CSMD1: variants seen among roughly 807,000 people sequenced by gnomAD.
The protein encoded by CSMD1 is CUB and Sushi multiple domains 1.
Under a neutral mutation model 417.5 loss-of-function variants are expected in CSMD1, and 213 were observed. The ratio of observed to expected loss-of-function variants is 0.51; its 90% CI spans 0.46 to 0.57. The LOEUF (loss-of-function observed/expected upper bound fraction) is 0.57, where lower values mean the gene tolerates loss of function less well. Ranked by LOEUF, CSMD1 falls within the 20% of genes least tolerant of loss-of-function variation. The probability of loss-of-function intolerance (pLI) is 0.00; values close to 1 mark genes in which losing one functional copy is unlikely to be tolerated. For synonymous variants in CSMD1, 2,862 were observed against 1,736.8 expected (o/e 1.65, Z -16.11); for missense variants, 6,923 against 4,529.7 (o/e 1.53, Z -15.17).
chr8:4,000,563 C>A (rs1277231016), intron 4 of CSMD1, among the ~76,000 whole-genome samples: 1 of 152,194 alleles, frequency 6.6e-6, no homozygotes, highest in Non-Finnish European at 1.5e-5. Context: ...AAAAGTGACT[C>A]ATACTCTACG....
chr8:3,763,457 C>T (rs181915290), intron 5 of CSMD1, among the ~76,000 whole-genome samples: 10 of 152,204 alleles, frequency 6.6e-5, no homozygotes, highest in Admixed American at 4.6e-4. Context: ...GCACTCCCCC[C>T]TCTCCTCTCC....
chr8:4,420,110 T>A (rs548100724), intron 2 of CSMD1, 45 bp from the exon 3 acceptor site: 20 of 1,421,070 alleles, frequency 1.4e-5, no homozygotes, highest in South Asian at 1.1e-4. Flanking sequence ...AAGCATGAAT[T>A]TGTCAAAAAA....
intron 41 of CSMD1, among the ~76,000 whole-genome samples, chr8:3,122,488 C>T (rs940897514): frequency 5.9e-5 from 9 of 152,052 alleles, no homozygotes; most frequent in African/African-American, 9.7e-5. Context: ...TTGCAGTTGA[C>T]GTGGTATGGC....
At chr8:4,486,250 C>CATAT (rs376449969) in intron 2 of CSMD1, among the ~76,000 whole-genome samples, 11 of 13,180 alleles carry the variant, frequency 8.3e-4, no homozygotes, top group East Asian at 3.8e-3. Context: ...TATATACATA[C>CATAT]ATATATATAT....
chr8:3,043,431 C>A (rs533941988), intron 50 of CSMD1, among the ~76,000 whole-genome samples: 1 of 151,862 alleles, frequency 6.6e-6, no homozygotes, highest in African/African-American at 2.4e-5. Flanking sequence ...CTAGATGGAA[C>A]TGGTGATATA....
intron 26 of CSMD1, among the ~76,000 whole-genome samples, chr8:3,240,917 T>C (rs1799454627): frequency 6.6e-6 from 1 of 151,988 alleles, no homozygotes; most frequent in African/African-American, 2.4e-5. Context: ...AGGCAAGTGA[T>C]AACAGGCTTT....
intron 3 of CSMD1, among the ~76,000 whole-genome samples, chr8:4,404,288 C>G (rs1804860024): frequency 1.3e-5 from 2 of 152,058 alleles, no homozygotes; most frequent in South Asian, 4.1e-4. Context: ...TTATGATATG[C>G]TGTATATTTC....
intron 5 of CSMD1, among the ~76,000 whole-genome samples, chr8:3,777,122 AC>A (rs1798934334): frequency 2.8e-3 from 1 of 362 alleles, no homozygotes; most frequent in Non-Finnish European, 6.2e-3. Flanking sequence ...ATCTATACCT[AC>A]ACACACACAC....
At chr8:4,301,328 C>T (rs1316065791) in intron 3 of CSMD1, among the ~76,000 whole-genome samples, 4 of 152,198 alleles carry the variant, frequency 2.6e-5, no homozygotes, top group African/African-American at 4.8e-5. Flanking sequence ...GACCTTTATA[C>T]TCAACTGTTA....
At chr8:4,779,211 A>G (rs4270985) in intron 1 of CSMD1, among the ~76,000 whole-genome samples, 14,168 of 152,150 alleles carry the variant, frequency 0.093, 874 homozygotes, top group East Asian at 0.33. Flanking sequence ...GGTCTGATTA[A>G]TATTGTTATG....
At chr8:4,605,097 T>A (rs1403485831) in intron 2 of CSMD1, among the ~76,000 whole-genome samples, 4 of 152,222 alleles carry the variant, frequency 2.6e-5, no homozygotes, top group Non-Finnish European at 5.9e-5. Context: ...AAAATTAACC[T>A]GTACCAAAGT....
At chr8:4,934,060 AAAG>A (rs1247910557) in intron 1 of CSMD1, among the ~76,000 whole-genome samples, 1 of 152,178 alleles carries the variant, frequency 6.6e-6, no homozygotes, top group Non-Finnish European at 1.5e-5. Flanking sequence ...GCATGAATGC[AAAG>A]AAGGTCTCCA....
intron 5 of CSMD1, among the ~76,000 whole-genome samples, chr8:3,771,573 C>A (rs77286236): frequency 6.6e-6 from 1 of 152,052 alleles, no homozygotes; most frequent in East Asian, 1.9e-4. Flanking sequence ...GCCCTAGAGA[C>A]CTGGAGAGCC....
In CSMD1 at chr8:3,493,543, C is replaced by T. The variant is rs565221740; in HGVS notation, c.1448+80G>A. 1.2e-5 allele frequency: 14 copies of T among 1,209,084 alleles called. No homozygotes were observed. In the East Asian group the frequency reaches 3.1e-4, roughly 27 times the overall value. The allele number at this position is 1,209,084 out of a possible 1,614,324, so 74.9% of individuals were successfully genotyped here. ...CAAACACCTGAGGCCGAATTACAAG[C>T]CTGTAGCAGAATCTCATCTCCACCC... is the stretch of plus-strand genomic sequence containing the variant. On this transcript the variant is annotated intron_variant, in intron 11 of 69. Transcript: ENST00000635120.
At chr8:4,185,094 G>A (rs113077992) in intron 3 of CSMD1, among the ~76,000 whole-genome samples, 7 of 130,474 alleles carry the variant, frequency 5.4e-5, no homozygotes, top group South Asian at 4.7e-4. Context: ...AGCCAAGATC[G>A]CACCACTGCA....
intron 16 of CSMD1, among the ~76,000 whole-genome samples, chr8:3,398,750 G>C (rs765049625): frequency 6.6e-6 from 1 of 152,132 alleles, no homozygotes; most frequent in Non-Finnish European, 1.5e-5. Context: ...TTTGGTCTCA[G>C]TGTTGAGAGA....
rs146387850 is a variant in CSMD1 at position 4,965,324 on chromosome 8, T to C, written c.85+29008A>G. Among the ~76,000 whole-genome samples the C allele has an allele frequency of 1.0e-3, 157 of 152,348 alleles. 3 individuals are homozygous for C. The East Asian group carries it at 0.014, about 13-fold the overall frequency. On this transcript the variant is annotated intron_variant, in intron 1 of 69. Transcript: ENST00000635120. ...CATAGTTGCAAATGCTTTACATGTA[T>C]TACTTCAATCAAAGTCAAACCTGTT...
intron 2 of CSMD1, among the ~76,000 whole-genome samples, chr8:4,422,550 A>C (rs1003995415): frequency 6.6e-6 from 1 of 152,122 alleles, no homozygotes. Flanking sequence ...GATGCTGTCT[A>C]CAAGTCAGGA....
intron 1 of CSMD1, among the ~76,000 whole-genome samples, chr8:4,704,775 G>A (rs987688932): frequency 6.6e-6 from 1 of 152,192 alleles, no homozygotes; most frequent in South Asian, 2.1e-4. Context: ...GCAGGAGAAA[G>A]GGAGTGGCAG....
Sources: gnomAD v4.1 joint callset for allele counts (sites outside exome capture counted in the v4.1 genomes callset) on GRCh38, gnomAD v4.1.1 for gene constraint, MANE v1.5 for transcripts, NCBI Gene and HGNC (gene_info 2026-07-23, HGNC 2026-07-21) for gene names.